GNA14: variants seen among roughly 807,000 people sequenced by gnomAD.
GNA14 encodes G protein subunit alpha 14, also known as guanine nucleotide-binding protein subunit alpha-14.
In GNA14, 50 loss-of-function variants were observed where a neutral mutation model predicts 42.0. The ratio of observed to expected loss-of-function variants is 1.19; its 90% CI spans 0.95 to 1.51. The LOEUF is 1.51. GNA14 is among the 40% of genes most tolerant of loss of function. GNA14 has a pLI of 0.00. For missense variants in GNA14, 473 were observed against 446.2 expected, an observed-to-expected ratio of 1.06 and a Z score of -0.54; for synonymous variants, 173 against 163.1, an observed-to-expected ratio of 1.06 and a Z score of -0.46.
At chr9:77,489,218 A>G (rs1259969056) in intron 2 of GNA14, among the ~76,000 whole-genome samples, 6 of 152,166 alleles carry the variant, frequency 3.9e-5, no homozygotes, top group East Asian at 3.9e-4. Context: ...GTGTGAAAAT[A>G]CACAGTTAGA....
chr9:77,591,553 A>G (rs1041570551), intron 1 of GNA14, among the ~76,000 whole-genome samples: 2 of 152,140 alleles, frequency 1.3e-5, no homozygotes, highest in Non-Finnish European at 2.9e-5. Flanking sequence ...TCAGGCGTCA[A>G]ATGAAGATAA....
chr9:77,604,703 C>A (rs1823622701), intron 1 of GNA14, among the ~76,000 whole-genome samples: 1 of 152,204 alleles, frequency 6.6e-6, no homozygotes, highest in African/African-American at 2.4e-5. Flanking sequence ...CATGGCTCCA[C>A]CATTGGCTCA....
At chr9:77,514,221 C>T (rs1837213802) in intron 2 of GNA14, among the ~76,000 whole-genome samples, 1 of 152,182 alleles carries the variant, frequency 6.6e-6, no homozygotes, top group African/African-American at 2.4e-5. Context: ...ATGTGGACCC[C>T]TGTTGCTTTT....
chr9:77,521,342 C>T (rs113612997), intron 2 of GNA14, among the ~76,000 whole-genome samples: 2 of 152,092 alleles, frequency 1.3e-5, no homozygotes, highest in East Asian at 1.9e-4. Flanking sequence ...CCCAAAGGTT[C>T]GTGCAGAATC....
chr9:77,543,296 G>T (rs1837681679), intron 1 of GNA14, among the ~76,000 whole-genome samples: 1 of 152,188 alleles, frequency 6.6e-6, no homozygotes, highest in Non-Finnish European at 1.5e-5. Context: ...GGCAGCTGTG[G>T]GGCTTATGGG....
At chr9:77,501,430 A>G (rs547065583) in intron 2 of GNA14, among the ~76,000 whole-genome samples, 12 of 152,270 alleles carry the variant, frequency 7.9e-5, no homozygotes, top group African/African-American at 2.9e-4. Context: ...TTGTGATTTT[A>G]ATTTTCATTT....
At chr9:77,443,834 T>C (rs1169402532) in intron 2 of GNA14, among the ~76,000 whole-genome samples, 3 of 152,014 alleles carry the variant, frequency 2.0e-5, no homozygotes, top group Non-Finnish European at 4.4e-5. Context: ...AAAAATAAAT[T>C]AGCTGAGCAT....
rs115897652 is a variant in GNA14, at chr9:77,560,490, T to C, written c.125-31237A>G. On this transcript the variant is annotated intron_variant, in intron 1 of 6. Transcript: ENST00000341700. Reference sequence around the variant, plus strand: ...TTTTTTGTTTGTTTGTTTGGTTGGTTTTTTTTGTAGAGATTGGGTTTTCCC... The same window carrying C: ...TTTTTTGTTTGTTTGTTTGGTTGGTCTTTTTTGTAGAGATTGGGTTTTCCC... Among the ~76,000 whole-genome samples the C allele has an allele frequency of 5.1e-3, 773 of 152,062 alleles. 8 individuals carry two copies. Among genetic ancestry groups the C allele is most frequent in the African/African-American group, 0.018 (736 of 41,510 alleles).
chr9:77,595,689 C>T (rs561882006), intron 1 of GNA14, among the ~76,000 whole-genome samples: 24 of 152,284 alleles, frequency 1.6e-4, no homozygotes, highest in East Asian at 7.7e-4. Flanking sequence ...AACTAACCCA[C>T]GCTATCACTT....
At chr9:77,551,586 C>T (rs1007183916) in intron 1 of GNA14, among the ~76,000 whole-genome samples, 3 of 151,830 alleles carry the variant, frequency 2.0e-5, no homozygotes, top group Non-Finnish European at 4.4e-5. Context: ...AGCTGAAGCC[C>T]TCTTTCATGG....
In GNA14 at chr9:77,547,468, G is replaced by A. The variant is rs898564370; in HGVS notation, c.125-18215C>T. ...CAATTAGTGGGATGCCTTTGCTGTC[G>A]TAATAACGAAAGTTATGCCTCCAAG... is the stretch of plus-strand genomic sequence containing the variant. On this transcript the variant is annotated intron_variant, in intron 1 of 6. Coordinates refer to ENST00000341700, the MANE Select transcript of GNA14 (RefSeq NM_004297.4). 6.6e-5 allele frequency among the ~76,000 whole-genome samples: 10 copies of A among 152,148 alleles called. 1 individual carries two copies. Among genetic ancestry groups the A allele is most frequent in the Admixed American group, 5.9e-4 (9 of 15,270 alleles).
chr9:77,458,790 G>T (rs369985577), intron 2 of GNA14, among the ~76,000 whole-genome samples: 1 of 151,888 alleles, frequency 6.6e-6, no homozygotes, highest in Admixed American at 6.6e-5. Flanking sequence ...ATCCCGAGGG[G>T]ACACAGCAGA....
At chr9:77,631,340 C>G (rs1483527485) in intron 1 of GNA14, among the ~76,000 whole-genome samples, 1 of 152,060 alleles carries the variant, frequency 6.6e-6, no homozygotes, top group Non-Finnish European at 1.5e-5. Flanking sequence ...CAATTAGCAG[C>G]AGCTAAGCTA....
intron 2 of GNA14, among the ~76,000 whole-genome samples, chr9:77,493,020 A>ATATATAT (rs1466048683): frequency 1.2e-3 from 96 of 80,582 alleles, no homozygotes; most frequent in African/African-American, 2.8e-3. Flanking sequence ...AAAAAAAAAA[A>ATATATAT]AAAAAAATAT....
chr9:77,557,537 C>T lies in GNA14; in HGVS notation c.125-28284G>A, dbSNP rs140231836. 3.1e-3 allele frequency among the ~76,000 whole-genome samples: 470 copies of T among 152,292 alleles called. 1 individual carries two copies. Among genetic ancestry groups the T allele is most frequent in the Non-Finnish European group, 5.5e-3 (373 of 68,034 alleles). On this transcript the variant is annotated intron_variant, in intron 1 of 6. Transcript: ENST00000341700. Reference sequence around the variant, plus strand: ...ACTGGTTAGCTGGGGATATGAATGGCCCACGCTTGGGAAACTTTCTGGCAG... The same window carrying T: ...ACTGGTTAGCTGGGGATATGAATGGTCCACGCTTGGGAAACTTTCTGGCAG...
chr9:77,621,493 C>A (rs1286513367), intron 1 of GNA14, among the ~76,000 whole-genome samples: 1 of 152,326 alleles, frequency 6.6e-6, no homozygotes, highest in East Asian at 1.9e-4. Flanking sequence ...CCAGACCATG[C>A]CTAATTGATA....
At chr9:77,596,100 CAT>C (rs1376220158) in intron 1 of GNA14, among the ~76,000 whole-genome samples, 2 of 152,032 alleles carry the variant, frequency 1.3e-5, no homozygotes, top group African/African-American at 4.8e-5. Context: ...TGCTTCTGAA[CAT>C]AAAAATAAAG....
intron 1 of GNA14, among the ~76,000 whole-genome samples, chr9:77,560,370 C>G (rs1311145978): frequency 1.3e-5 from 2 of 150,290 alleles, no homozygotes; most frequent in Non-Finnish European, 2.9e-5. Flanking sequence ...CTCACTGCAG[C>G]CTCTGCCTCC....
chr9:77,639,406 A>G (rs895743433), intron 1 of GNA14, among the ~76,000 whole-genome samples: 4 of 152,226 alleles, frequency 2.6e-5, no homozygotes, highest in African/African-American at 9.6e-5. Context: ...ACTAATGTAC[A>G]TTCCAGGATG....
Sources: gnomAD v4.1 joint callset for allele counts (sites outside exome capture counted in the v4.1 genomes callset) on GRCh38, gnomAD v4.1.1 for gene constraint, MANE v1.5 for transcripts, NCBI Gene and HGNC (gene_info 2026-07-23, HGNC 2026-07-21) for gene names.